Variants in PCDH11X observed in about 807,000 individuals in gnomAD.
PCDH11X encodes the protein protocadherin 11 X-linked, also known as protocadherin-11 X-linked.
PCDH11X carries 18 observed loss-of-function variants against 53.3 expected under a neutral mutation model. The ratio of observed to expected loss-of-function variants is 0.34; its 90% CI spans 0.23 to 0.50. The LOEUF (loss-of-function observed/expected upper bound fraction) is 0.50. Among genes scored for constraint, PCDH11X ranks in the 20% least tolerant of loss-of-function variants. The probability of loss-of-function intolerance (pLI) is 0.98; values close to 1 mark genes in which losing one functional copy is unlikely to be tolerated. For missense variants in PCDH11X, 570 were observed against 1,032.4 expected, an observed-to-expected ratio of 0.55 and a Z score of 6.14; for synonymous variants, 279 against 393.3, an observed-to-expected ratio of 0.71 and a Z score of 3.44.
At chrX:92,113,328 T>C in intron 6 of PCDH11X, 1 of 1,198,227 alleles carries the variant, frequency 8.3e-7, no homozygotes. Context: ...TCTTGTCTTC[T>C]TCTGTCACCA....
At chrX:91,929,036 A>G (rs772917996) in intron 6 of PCDH11X, among the ~76,000 whole-genome samples, 32 of 111,023 alleles carry the variant, frequency 2.9e-4, no homozygotes, top group African/African-American at 1.0e-3. Context: ...GACCTTAACA[A>G]CTGTAACCTG....
intron 7 of PCDH11X, among the ~76,000 whole-genome samples, chrX:92,224,345 T>C (rs2066931748): frequency 9.0e-6 from 1 of 111,651 alleles, no homozygotes. Context: ...TTGTGGGAGA[T>C]ATTAGATTTT....
intron 9 of PCDH11X, among the ~76,000 whole-genome samples, chrX:92,434,412 G>T (rs2072322840): frequency 9.1e-6 from 1 of 109,847 alleles, no homozygotes; most frequent in African/African-American, 3.3e-5. Context: ...GTCTCTGGCA[G>T]ACTATGTTAA....
At chrX:92,244,230 C>A (rs749970477) in intron 7 of PCDH11X, among the ~76,000 whole-genome samples, 1 of 109,069 alleles carries the variant, frequency 9.2e-6, no homozygotes, top group Non-Finnish European at 1.9e-5. Context: ...ATGAACCTAG[C>A]TTTTTTACTT....
intron 6 of PCDH11X, among the ~76,000 whole-genome samples, chrX:92,058,411 TCGAATAACAAAAAAC>T (rs1294660022): frequency 9.1e-6 from 1 of 109,986 alleles, no homozygotes; most frequent in Non-Finnish European, 1.9e-5. Flanking sequence ...TAAAATAAAA[TCGAATAACAAAAAAC>T]CAATTTTTGG....
At chrX:92,194,024 C>T (rs1303396193) in intron 6 of PCDH11X, among the ~76,000 whole-genome samples, 1 of 111,606 alleles carries the variant, frequency 9.0e-6, no homozygotes, top group Non-Finnish European at 1.9e-5. Flanking sequence ...AGAGACTCGC[C>T]CAGGTACTAC....
At chrX:91,840,020 C>A (rs1329939346) in intron 5 of PCDH11X, among the ~76,000 whole-genome samples, 1 of 110,976 alleles carries the variant, frequency 9.0e-6, no homozygotes, top group Non-Finnish European at 1.9e-5. Flanking sequence ...TTCAGATGGC[C>A]TGTTATTTAT....
intron 6 of PCDH11X, among the ~76,000 whole-genome samples, chrX:92,041,787 G>A (rs1010402905): frequency 2.7e-5 from 3 of 111,017 alleles, no homozygotes; most frequent in Non-Finnish European, 1.9e-5. Context: ...CTGACAACAC[G>A]GCGAAACCCC....
intron 9 of PCDH11X, among the ~76,000 whole-genome samples, chrX:92,453,493 T>C (rs1276952848): frequency 9.0e-6 from 1 of 111,075 alleles, no homozygotes; most frequent in Non-Finnish European, 1.9e-5. Context: ...TTCTAATCAG[T>C]AGTCAAATTT....
chrX:91,914,040 C>T (rs1168381545), intron 6 of PCDH11X, among the ~76,000 whole-genome samples: 1 of 111,728 alleles, frequency 9.0e-6, no homozygotes, highest in Non-Finnish European at 1.9e-5. Flanking sequence ...TGCTGGTATC[C>T]ACAACTGGGA....
intron 10 of PCDH11X, among the ~76,000 whole-genome samples, chrX:92,569,192 T>C (rs886187701): frequency 9.2e-6 from 1 of 109,242 alleles, no homozygotes; most frequent in Non-Finnish European, 1.9e-5. Flanking sequence ...TCCTGTTTCT[T>C]TTGCTTAATT....
At position 92,618,752 on chromosome X, in the gene PCDH11X, GC is replaced by G. The variant is rs747789933; in HGVS notation, c.3857del (p.Ala1286ValfsTer38). 8.3e-7 allele frequency: 1 copy of G among 1,210,486 alleles called. No individual in the cohort carries two copies. The highest frequency in any genetic ancestry group is 1.1e-6 in the Non-Finnish European group (1 of 895,301). ...TTTGCAGCAAGGTTGGGTGCAAGGT[GC>G]TGATGGGCTATGCTCTGTTGATCAG... ...VSLQQGWVQG[A>X]DGLCSVDQGV... is the part of the protein sequence containing the mutation. On this transcript the variant is annotated frameshift_variant, in exon 11 of 11. Transcript: ENST00000682573. LOFTEE classifies it high-confidence loss of function.
intron 10 of PCDH11X, among the ~76,000 whole-genome samples, chrX:92,596,394 A>G (rs1925603766): frequency 9.3e-6 from 1 of 107,439 alleles, no homozygotes; most frequent in Non-Finnish European, 1.9e-5. Flanking sequence ...CAACCTTTGC[A>G]AAAAATATAT....
intron 9 of PCDH11X, among the ~76,000 whole-genome samples, chrX:92,417,820 A>ATTTTTTTTT (rs61034265): frequency 1.5e-5 from 1 of 67,557 alleles, no homozygotes; most frequent in Non-Finnish European, 2.6e-5. Flanking sequence ...CTTTTCTTCC[A>ATTTTTTTTT]TTTTTTTTTT....
intron 7 of PCDH11X, among the ~76,000 whole-genome samples, chrX:92,256,396 C>G (rs1395532493): frequency 9.0e-6 from 1 of 111,285 alleles, no homozygotes; most frequent in Non-Finnish European, 1.9e-5. Flanking sequence ...CAGAAATCAC[C>G]CATCTTCTGT....
chrX:92,441,339 A>T (rs2072510650), intron 9 of PCDH11X, among the ~76,000 whole-genome samples: 1 of 111,036 alleles, frequency 9.0e-6, no homozygotes, highest in African/African-American at 3.3e-5. Context: ...GACAATGGGG[A>T]AAATATCTCC....
intron 7 of PCDH11X, among the ~76,000 whole-genome samples, chrX:92,202,656 G>A (rs755181396): frequency 8.9e-6 from 1 of 111,830 alleles, no homozygotes; most frequent in East Asian, 2.8e-4. Context: ...ATTTTGGTCA[G>A]GACAGCTCAA....
chrX:92,438,162 C>T (rs1218518954), intron 9 of PCDH11X, among the ~76,000 whole-genome samples: 2 of 111,660 alleles, frequency 1.8e-5, no homozygotes, highest in African/African-American at 6.5e-5. Context: ...TACACATTGT[C>T]CTTTCCTTAA....
chrX:92,173,784 G>T (rs1048072586), intron 6 of PCDH11X, among the ~76,000 whole-genome samples: 3 of 107,243 alleles, frequency 2.8e-5, no homozygotes, highest in African/African-American at 1.0e-4. Flanking sequence ...AGGAGTTTGA[G>T]ACCAGCCTGG....
Sources: gnomAD v4.1 joint callset for allele counts (sites outside exome capture counted in the v4.1 genomes callset) on GRCh38, gnomAD v4.1.1 for gene constraint, MANE v1.5 for transcripts, NCBI Gene and HGNC (gene_info 2026-07-23, HGNC 2026-07-21) for gene names.